The following PLA1A variants were observed in gnomAD, a reference collection of about 807,000 sequenced individuals.
PLA1A encodes the protein phospholipase A1 member A.
In PLA1A, 47 loss-of-function variants were observed where a neutral mutation model predicts 49.4. That is an observed-to-expected ratio of 0.95 (90% CI 0.75 to 1.21). PLA1A has a LOEUF of 1.21. Among genes scored for constraint, PLA1A ranks in the 50% most tolerant of loss-of-function variants. The pLI is 0.00. For missense variants in PLA1A, 561 were observed against 563.9 expected (o/e 0.99, Z 0.05); for synonymous variants, 224 against 207.9 (o/e 1.08, Z -0.67).
rs781345481 is a variant in PLA1A, at chr3:119,607,027, C to A, written c.275+52C>A. On this transcript the variant is annotated intron_variant, in intron 2 of 10. Transcript: ENST00000273371. ...TCTCAACTAAGAATGATCAAGTAAC[C>A]ATAATACCATAAGAAGTTAGTGGGC... The A allele has an allele frequency of 6.4e-6, 9 of 1,404,330 alleles. No individual in the cohort carries two copies. In the South Asian group the frequency reaches 1.0e-4, roughly 16 times the overall value. 87.0% of individuals were successfully genotyped at this position (1,404,330 alleles called of 1,614,324 possible).
Position 119,609,522 on chromosome 3 carries a change from C to G in PLA1A, c.508C>G (p.His170Asp), listed in dbSNP as rs564708347. The G allele has an allele frequency of 6.8e-6, 11 of 1,613,372 alleles. No homozygotes were observed. In the South Asian group the frequency reaches 1.1e-4, roughly 16 times the overall value. ...CATCATTGGTGTTAGCCTGGGGGCC[C>G]ACGTTGGGGGCATGGTGGGACAGCT... is the stretch of plus-strand genomic sequence containing the variant. ...IHIIGVSLGA[H>D]VGGMVGQLFG... The change falls in exon 4 of 11, where the codon CAC becomes GAC. Residue 170 changes from histidine to aspartate, a missense_variant. Physicochemically the swap from His to Asp is moderately conservative, Grantham distance 81. Coordinates refer to ENST00000273371, the MANE Select transcript of PLA1A (RefSeq NM_015900.4).
intron 4 of PLA1A, among the ~76,000 whole-genome samples, chr3:119,611,057 C>G (rs902134592): frequency 6.6e-6 from 1 of 152,124 alleles, no homozygotes; most frequent in Non-Finnish European, 1.5e-5. Flanking sequence ...CACCATTTAT[C>G]GAATAGGGTA....
intron 4 of PLA1A, among the ~76,000 whole-genome samples, chr3:119,612,618 C>T (rs187626635): frequency 1.5e-3 from 235 of 151,914 alleles, no homozygotes; most frequent in East Asian, 0.01. Context: ...CCTCCCGAGT[C>T]GCTGGAACTA....
chr3:119,608,962 G>T lies in PLA1A; in HGVS notation c.453+15G>T. 6.2e-7 allele frequency: 1 copy of T among 1,609,936 alleles called. No individual in the cohort carries two copies. The highest frequency in any genetic ancestry group is 8.5e-7 in the Non-Finnish European group (1 of 1,176,384). On this transcript the variant is annotated intron_variant, in intron 3 of 10. Coordinates refer to ENST00000273371, the MANE Select transcript of PLA1A (RefSeq NM_015900.4). ...ATAAACTCCTGGTAGGTGCAGAAGA[G>T]CTTAGGGTGAGTTTGGGCTGCGTAT... is the stretch of plus-strand genomic sequence containing the variant.
chr3:119,618,310 T>G, intron 7 of PLA1A, 124 bp downstream of exon 7: 7 of 878,558 alleles, frequency 8.0e-6, no homozygotes, highest in Non-Finnish European at 1.1e-5. Flanking sequence ...AAAAGAAAAT[T>G]AAGCAATGAG....
At chr3:119,603,450 A>G (rs1186350848) in intron 1 of PLA1A, among the ~76,000 whole-genome samples, 1 of 152,230 alleles carries the variant, frequency 6.6e-6, no homozygotes, top group African/African-American at 2.4e-5. Context: ...GTTGCTACCA[A>G]TGTTGCTCAT....
At chr3:119,608,250 A>G (rs62264536) in intron 2 of PLA1A, among the ~76,000 whole-genome samples, 9 of 82,558 alleles carry the variant, frequency 1.1e-4, no homozygotes, top group Non-Finnish European at 2.5e-4. Context: ...GAGAGAAAGA[A>G]AGAAAGAAAG....
chr3:119,618,049 G>C lies in PLA1A; in HGVS notation c.785G>C (p.Arg262Thr), dbSNP rs138449882. Reference sequence around the variant, plus strand: ...AGTTATCTGATCTGTGATCACATGAGGGCTGTGCACCTCTACATCAGCGCC... The same window carrying C: ...AGTTATCTGATCTGTGATCACATGACGGCTGTGCACCTCTACATCAGCGCC... ...GYSYLICDHM[R>T]AVHLYISALE... The change falls in exon 7 of 11, where the codon AGG becomes ACG. Residue 262 changes from arginine (R) to threonine (T), a missense_variant. Transcript: ENST00000273371. 26 of 1,613,732 alleles carry C rather than the reference G, an allele frequency of 1.6e-5. No homozygotes were observed. The highest frequency in any genetic ancestry group is 1.0e-4 in the Admixed American group (6 of 59,986).
In PLA1A at chr3:119,622,149, G is replaced by GGAAGAAGAAGAAGAAGAA. The variant is rs59447645; in HGVS notation, c.1012+2541_1012+2558dup. Among the ~76,000 whole-genome samples the GGAAGAAGAAGAAGAAGAA allele has an allele frequency of 3.6e-4, 45 of 126,292 alleles. 1 individual carries two copies. Among genetic ancestry groups the GGAAGAAGAAGAAGAAGAA allele is most frequent in the South Asian group, 7.5e-4 (3 of 3,984 alleles). The allele number at this position is 126,292 out of a possible 152,430, so 82.9% of individuals were successfully genotyped here. On this transcript the variant is annotated intron_variant, in intron 8 of 10. Coordinates refer to ENST00000273371, the MANE Select transcript of PLA1A (RefSeq NM_015900.4). ...AAGAAGAGGAAGAGGAGGAGGAGGA[G>GGAAGAAGAAGAAGAAGAA]GAAGAAGAAGAAGAAGAAGAAGAAG... is the stretch of plus-strand genomic sequence containing the variant.
At chr3:119,610,524 G>C (rs1471230158) in intron 4 of PLA1A, among the ~76,000 whole-genome samples, 1 of 152,044 alleles carries the variant, frequency 6.6e-6, no homozygotes, top group South Asian at 2.1e-4. Context: ...TAGCAATTCT[G>C]AGTGGTGTGA....
intron 2 of PLA1A, among the ~76,000 whole-genome samples, chr3:119,608,249 A>AAAGAAAG (rs2082718188): frequency 3.7e-5 from 3 of 82,188 alleles, no homozygotes; most frequent in African/African-American, 1.2e-4. Context: ...AGAGAGAAAG[A>AAAGAAAG]AAGAAAGAAA....
chr3:119,609,372 A>C (rs2082734634), intron 3 of PLA1A, 96 bp from the exon 4 acceptor site: 1 of 813,520 alleles, frequency 1.2e-6, no homozygotes, highest in East Asian at 2.4e-5. Context: ...TGTCATGCCC[A>C]GGGCCTCGGC....
intron 4 of PLA1A, among the ~76,000 whole-genome samples, chr3:119,610,224 A>G (rs75522325): frequency 0.076 from 11,633 of 152,244 alleles, 639 homozygotes; most frequent in Non-Finnish European, 0.12. Context: ...CCAGTCTACC[A>G]TTGGTTGGCA....
intron 2 of PLA1A, among the ~76,000 whole-genome samples, 193 bp from the exon 3 acceptor site, chr3:119,608,577 T>C (rs138037899): frequency 6.6e-6 from 1 of 152,340 alleles, no homozygotes; most frequent in Non-Finnish European, 1.5e-5. Context: ...AGACTGCATA[T>C]GTGCTGGCGG....
chr3:119,606,053 C>T (rs761684092), intron 1 of PLA1A, among the ~76,000 whole-genome samples: 10 of 152,232 alleles, frequency 6.6e-5, no homozygotes, highest in South Asian at 2.1e-4. Context: ...GAGGCTAGTC[C>T]GCAGGGCAAC....
chr3:119,628,985 G>T, intron 10 of PLA1A, 120 bp downstream of exon 10: 1 of 840,146 alleles, frequency 1.2e-6, no homozygotes, highest in Non-Finnish European at 1.9e-6. Flanking sequence ...CTTAGAAGCA[G>T]AGATGACAGA....
chr3:119,621,603 A>G (rs1438763191), intron 8 of PLA1A, among the ~76,000 whole-genome samples: 3 of 152,242 alleles, frequency 2.0e-5, no homozygotes, highest in African/African-American at 7.2e-5. Context: ...TAATTTTTAA[A>G]CAATATATTC....
At chr3:119,620,064 T>C (rs2082908282) in intron 8 of PLA1A, 2 of 458,692 alleles carry the variant, frequency 4.4e-6, no homozygotes, top group East Asian at 1.4e-4. Context: ...CTGGTCTCCT[T>C]CCCCTTCACA....
intron 4 of PLA1A, among the ~76,000 whole-genome samples, chr3:119,612,077 GC>G (rs1167121371): frequency 1.3e-5 from 2 of 152,168 alleles, no homozygotes; most frequent in African/African-American, 4.8e-5. Context: ...CAGCTTCCTA[GC>G]CTTTTGGTGG....
Sources: gnomAD v4.1 joint callset for allele counts (sites outside exome capture counted in the v4.1 genomes callset) on GRCh38, gnomAD v4.1.1 for gene constraint, MANE v1.5 for transcripts, NCBI Gene and HGNC (gene_info 2026-07-23, HGNC 2026-07-21) for gene names.